SEPTIN10: variants seen among roughly 807,000 people sequenced by gnomAD.
SEPTIN10 encodes the protein septin 10, also known as septin-10.
A neutral mutation model predicts 54.8 loss-of-function variants in SEPTIN10; 66 were observed. That is an observed-to-expected ratio of 1.21 (90% CI 0.99 to 1.48). The LOEUF is 1.48. SEPTIN10 is among the 40% of genes most tolerant of loss of function. The pLI is 0.00. For missense variants in SEPTIN10, 620 were observed against 545.6 expected (o/e 1.14, Z -1.36); for synonymous variants, 161 against 181.0 (o/e 0.89, Z 0.89).
chr2:109,560,732 G>A (rs1200000707), intron 8 of SEPTIN10, among the ~76,000 whole-genome samples: 4 of 152,068 alleles, frequency 2.6e-5, no homozygotes, highest in African/African-American at 7.2e-5. Flanking sequence ...AAAAAAGCTA[G>A]TCCTCCTTCA....
At chr2:109,579,525 A>G (rs1475267967) in intron 4 of SEPTIN10, among the ~76,000 whole-genome samples, 2 of 151,812 alleles carry the variant, frequency 1.3e-5, no homozygotes, top group African/African-American at 4.8e-5. Context: ...CTGGGATTAC[A>G]GGCGCCTGCC....
chr2:109,577,277 TATA>T (rs1161803880), intron 4 of SEPTIN10, among the ~76,000 whole-genome samples: 3 of 152,134 alleles, frequency 2.0e-5, no homozygotes, highest in Admixed American at 6.5e-5. Context: ...ATACTGGCCA[TATA>T]ATAATACCTC....
intron 1 of SEPTIN10, among the ~76,000 whole-genome samples, chr2:109,606,670 A>T (rs1236131957): frequency 7.8e-6 from 1 of 128,998 alleles, no homozygotes; most frequent in Admixed American, 8.4e-5. Context: ...AAAAATTTTA[A>T]GCTTTTTTTT....
At chr2:109,574,513 G>T in intron 5 of SEPTIN10, 68 bp downstream of exon 5, 84 of 786,304 alleles carry the variant, frequency 1.1e-4, no homozygotes, top group Middle Eastern at 3.8e-4. Context: ...TATCCATATT[G>T]TAAAAATATT....
intron 7 of SEPTIN10, among the ~76,000 whole-genome samples, chr2:109,565,128 T>C (rs1686673236): frequency 6.6e-6 from 1 of 152,144 alleles, no homozygotes; most frequent in African/African-American, 2.4e-5. Flanking sequence ...TACTCTTAAG[T>C]ATAATTATTA....
chr2:109,594,556 GTA>G (rs1694862411), intron 1 of SEPTIN10: 1 of 150,868 alleles, frequency 6.6e-6, no homozygotes, highest in East Asian at 2.0e-4. Context: ...GTTCTCCTCT[GTA>G]TACTACAGTG....
intron 1 of SEPTIN10, among the ~76,000 whole-genome samples, chr2:109,601,588 T>C (rs1696604861): frequency 6.6e-6 from 1 of 152,230 alleles, no homozygotes; most frequent in Non-Finnish European, 1.5e-5. Context: ...CTTCTTTGTT[T>C]CTCTTATTAG....
At chr2:109,606,770 C>T (rs891241426) in intron 1 of SEPTIN10, among the ~76,000 whole-genome samples, 2 of 144,380 alleles carry the variant, frequency 1.4e-5, no homozygotes, top group Non-Finnish European at 3.0e-5. Flanking sequence ...ACCTCCGTCT[C>T]GCAGGTTCAA....
intron 1 of SEPTIN10, among the ~76,000 whole-genome samples, chr2:109,611,672 G>C (rs950805226): frequency 6.6e-6 from 1 of 152,090 alleles, no homozygotes; most frequent in Non-Finnish European, 1.5e-5. Flanking sequence ...GAGGCAGGAG[G>C]ATCGCTTGAG....
At chr2:109,582,112 A>T (rs866990556) in intron 4 of SEPTIN10, among the ~76,000 whole-genome samples, 1 of 139,460 alleles carries the variant, frequency 7.2e-6, no homozygotes, top group African/African-American at 2.6e-5. Context: ...ACACACACAC[A>T]CTCACTCTCA....
chr2:109,544,340 AC>A lies in SEPTIN10; in HGVS notation c.1350-17del. On this transcript the variant is annotated splice_polypyrimidine_tract_variant and intron_variant, in intron 10 of 10. Coordinates refer to ENST00000397712, the MANE Select transcript of SEPTIN10 (RefSeq NM_144710.5). Reference sequence around the variant, plus strand: ...AAAATTGGAGCTGGAAAGAAAAAGAACCTTTTGATTGGTACAATTTAAAAAA... The same window carrying A: ...AAAATTGGAGCTGGAAAGAAAAAGAACTTTTGATTGGTACAATTTAAAAAA... The A allele has an allele frequency of 6.3e-7, 1 of 1,584,536 alleles. No individual in the cohort carries two copies. Among genetic ancestry groups the A allele is most frequent in the South Asian group, 1.2e-5 (1 of 85,742 alleles).
At chr2:109,589,728 T>C (rs935218956) in intron 2 of SEPTIN10, among the ~76,000 whole-genome samples, 1 of 148,218 alleles carries the variant, frequency 6.7e-6, no homozygotes, top group African/African-American at 2.6e-5. Context: ...CACATATTAT[T>C]ATATAGCCAA....
chr2:109,593,175 C>T lies in SEPTIN10; in HGVS notation c.31-56G>A, dbSNP rs1694480117. ...AACAGAAACATTACTCCCCAAACCCCATTATCTGAATAATATATTTACATG... is the reference window on the plus strand; with the variant it reads ...AACAGAAACATTACTCCCCAAACCCTATTATCTGAATAATATATTTACATG... On this transcript the variant is annotated intron_variant, in intron 1 of 10. Coordinates refer to ENST00000397712, the MANE Select transcript of SEPTIN10 (RefSeq NM_144710.5). 84 of 1,147,710 alleles carry T rather than the reference C, an allele frequency of 7.3e-5. No individual in the cohort carries two copies. The South Asian group carries it at 1.4e-3, about 19-fold the overall frequency. The allele number at this position is 1,147,710 out of a possible 1,614,324, so 71.1% of individuals were successfully genotyped here. A position where few individuals can be genotyped will look rare whatever the true frequency, so the allele number is the denominator to read the frequency against.
At chr2:109,554,322 C>T (rs947889922) in intron 8 of SEPTIN10, among the ~76,000 whole-genome samples, 1 of 152,160 alleles carries the variant, frequency 6.6e-6, no homozygotes, top group Non-Finnish European at 1.5e-5. Flanking sequence ...CACCGCATTG[C>T]TTATTGTCCT....
At chr2:109,587,764 T>A (rs1390284694) in intron 2 of SEPTIN10, among the ~76,000 whole-genome samples, 2 of 151,898 alleles carry the variant, frequency 1.3e-5, no homozygotes, top group Non-Finnish European at 2.9e-5. Flanking sequence ...ATACAAAAAA[T>A]TAGCCAGGTG....
Position 109,579,993 on chromosome 2 carries a change from C to T in SEPTIN10, c.413+5133G>A, listed in dbSNP as rs1016061863. On this transcript the variant is annotated intron_variant, in intron 4 of 10. Transcript: ENST00000397712. ...AAAATTAGCTGGGCGTGGTGGCAGG[C>T]GCCTGTAATCCCAGCTACTCGGGAG... Among the ~76,000 whole-genome samples the T allele has an allele frequency of 4.0e-5, 6 of 151,574 alleles. No homozygotes were observed. In the South Asian group the frequency reaches 1.0e-3, roughly 26 times the overall value.
chr2:109,608,956 G>A (rs1698614238), intron 1 of SEPTIN10, among the ~76,000 whole-genome samples: 1 of 152,196 alleles, frequency 6.6e-6, no homozygotes, highest in Admixed American at 6.5e-5. Context: ...CAAGGGTCCT[G>A]TATGTATTCT....
At chr2:109,602,437 A>G (rs376539554) in intron 1 of SEPTIN10, among the ~76,000 whole-genome samples, 1 of 152,180 alleles carries the variant, frequency 6.6e-6, no homozygotes, top group East Asian at 1.9e-4. Flanking sequence ...GCACCTTGGG[A>G]GGCCAAGGCG....
intron 8 of SEPTIN10, among the ~76,000 whole-genome samples, chr2:109,559,902 A>T (rs1685220466): frequency 6.9e-6 from 1 of 145,250 alleles, no homozygotes; most frequent in Non-Finnish European, 1.5e-5. Flanking sequence ...TGTAGCCTCC[A>T]ACCAATGCCT....
Sources: gnomAD v4.1 joint callset for allele counts (sites outside exome capture counted in the v4.1 genomes callset) on GRCh38, gnomAD v4.1.1 for gene constraint, MANE v1.5 for transcripts, NCBI Gene and HGNC (gene_info 2026-07-23, HGNC 2026-07-21) for gene names.